The following CSMD3 variants were observed in gnomAD, a reference collection of about 807,000 sequenced individuals.
CSMD3 encodes CUB and Sushi multiple domains 3, also known as CUB and sushi domain-containing protein 3.
CSMD3 carries 177 observed loss-of-function variants against 435.2 expected under a neutral mutation model. That is an observed-to-expected ratio of 0.41 (90% CI 0.36 to 0.46). The LOEUF is 0.46. CSMD3 is among the 20% of genes least tolerant of loss of function. The pLI is 0.34. For missense variants in CSMD3, 4,265 were observed against 4,504.6 expected (o/e 0.95, Z 1.52); for synonymous variants, 1,656 against 1,520.5 (o/e 1.09, Z -2.07).
intron 16 of CSMD3, among the ~76,000 whole-genome samples, chr8:112,672,675 C>A (rs73342512): frequency 6.6e-6 from 1 of 152,008 alleles, no homozygotes; most frequent in African/African-American, 2.4e-5. Context: ...GCCTTTAATT[C>A]TTCTTTTTGT....
chr8:113,404,642 C>T (rs1016172675), intron 1 of CSMD3, among the ~76,000 whole-genome samples: 5 of 151,270 alleles, frequency 3.3e-5, no homozygotes, highest in East Asian at 1.9e-4. Context: ...ATTCAGCAAA[C>T]ATTTTTTTCT....
intron 45 of CSMD3, among the ~76,000 whole-genome samples, chr8:112,329,760 A>G (rs1248255917): frequency 1.3e-5 from 2 of 152,182 alleles, no homozygotes; most frequent in East Asian, 3.8e-4. Flanking sequence ...CATACAGTGA[A>G]GTGTCAAAAG....
chr8:112,343,017 T>TA (rs1563815796), intron 41 of CSMD3, among the ~76,000 whole-genome samples: 4 of 52,548 alleles, frequency 7.6e-5, no homozygotes, highest in Admixed American at 1.8e-4. Flanking sequence ...ATATATATAT[T>TA]TATATATATA....
rs545525500 is a variant in CSMD3, at chr8:113,255,159, T to C, written c.514+23433A>G. Reference sequence around the variant, plus strand: ...TTTTAGTGCTCCAAATAATAAACAATAATATTACCTTAGACTATCTAAATA... The same window carrying C: ...TTTTAGTGCTCCAAATAATAAACAACAATATTACCTTAGACTATCTAAATA... On this transcript the variant is annotated intron_variant, in intron 3 of 70. Transcript: ENST00000297405. Among the ~76,000 whole-genome samples the C allele has an allele frequency of 3.9e-5, 6 of 152,242 alleles. No homozygotes were observed. In the South Asian group the frequency reaches 1.0e-3, roughly 26 times the overall value.
chr8:112,477,018 T>A (rs1417485184), intron 31 of CSMD3, among the ~76,000 whole-genome samples: 1 of 152,192 alleles, frequency 6.6e-6, no homozygotes, highest in Admixed American at 6.5e-5. Context: ...AGGCTCTCCA[T>A]AAATATCTGT....
intron 5 of CSMD3, among the ~76,000 whole-genome samples, chr8:113,086,812 A>C (rs2089800258): frequency 6.6e-6 from 1 of 152,112 alleles, no homozygotes; most frequent in South Asian, 2.1e-4. Flanking sequence ...TTTTCCTTGA[A>C]AATTGAGTTT....
At chr8:112,480,851 A>T (rs988537396) in intron 31 of CSMD3, among the ~76,000 whole-genome samples, 1 of 152,198 alleles carries the variant, frequency 6.6e-6, no homozygotes, top group African/African-American at 2.4e-5. Flanking sequence ...CTAATATCTT[A>T]TCAGTCTAAG....
At chr8:112,850,169 C>G (rs2080444179) in intron 11 of CSMD3, among the ~76,000 whole-genome samples, 1 of 152,008 alleles carries the variant, frequency 6.6e-6, no homozygotes, top group East Asian at 1.9e-4. Flanking sequence ...TCTGATAAAT[C>G]AACACCAATA....
At chr8:112,640,950 T>G (rs532929031) in intron 20 of CSMD3, among the ~76,000 whole-genome samples, 1 of 152,188 alleles carries the variant, frequency 6.6e-6, no homozygotes, top group Non-Finnish European at 1.5e-5. Context: ...CTGAAATACA[T>G]AGAATGAATT....
intron 13 of CSMD3, among the ~76,000 whole-genome samples, chr8:112,740,534 A>G (rs1187455803): frequency 2.0e-5 from 3 of 151,872 alleles, no homozygotes; most frequent in Non-Finnish European, 4.4e-5. Flanking sequence ...AAAAACACTT[A>G]GTAACATTTT....
intron 1 of CSMD3, chr8:113,377,151 G>A (rs2094390787): frequency 8.0e-7 from 1 of 1,246,848 alleles, no homozygotes; most frequent in Non-Finnish European, 1.0e-6. Context: ...GCCGAGGGGT[G>A]TACGCCCCGG....
chr8:113,417,306 T>C (rs933358290), intron 1 of CSMD3, among the ~76,000 whole-genome samples: 5 of 151,992 alleles, frequency 3.3e-5, no homozygotes, highest in African/African-American at 7.2e-5. Context: ...AACAATGATG[T>C]AGAAAAGCTA....
chr8:112,269,264 A>G (rs904059459), intron 59 of CSMD3, among the ~76,000 whole-genome samples: 2 of 152,112 alleles, frequency 1.3e-5, no homozygotes, highest in African/African-American at 4.8e-5. Context: ...CATCTTTGAG[A>G]ATTTTCAGAT....
At chr8:112,665,492 G>T (rs1009126222) in intron 17 of CSMD3, among the ~76,000 whole-genome samples, 2 of 152,094 alleles carry the variant, frequency 1.3e-5, no homozygotes, top group Non-Finnish European at 2.9e-5. Flanking sequence ...ATCATGTTAG[G>T]TTTGTAAAAT....
chr8:113,401,455 G>A (rs540687503), intron 1 of CSMD3, among the ~76,000 whole-genome samples: 6 of 151,578 alleles, frequency 4.0e-5, no homozygotes, highest in South Asian at 2.1e-4. Flanking sequence ...AATTGTACAC[G>A]CTTTTAGGGA....
chr8:112,627,074 T>C (rs1411910295), intron 22 of CSMD3, among the ~76,000 whole-genome samples: 1 of 152,124 alleles, frequency 6.6e-6, no homozygotes. Flanking sequence ...GGCATTAATA[T>C]ATACTAGGGA....
In CSMD3 at chr8:112,847,712, TG is replaced by T. The variant is rs1399468093; in HGVS notation, c.1755+11432del. Among the ~76,000 whole-genome samples the T allele has an allele frequency of 2.0e-5, 3 of 152,166 alleles. No individual in the cohort carries two copies. The East Asian group carries it at 5.8e-4, about 29-fold the overall frequency. The stretch of plus-strand genomic sequence containing the variant: ...CACAAGTACCAAATCTCCAAATATT[TG>T]GCGCAAAGAACTAGTACCTATAAAT... On this transcript the variant is annotated intron_variant, in intron 11 of 70. Transcript: ENST00000297405.
At chr8:112,357,258 C>T (rs1826708940) in intron 38 of CSMD3, among the ~76,000 whole-genome samples, 2 of 151,992 alleles carry the variant, frequency 1.3e-5, no homozygotes, top group African/African-American at 2.4e-5. Flanking sequence ...TTGCCCCTGC[C>T]CTAGAGATTT....
intron 10 of CSMD3, among the ~76,000 whole-genome samples, chr8:112,897,213 G>A (rs4876500): frequency 0.51 from 76,401 of 151,070 alleles, 19,915 homozygotes; most frequent in East Asian, 0.83. Context: ...ACGTATGCAT[G>A]CATGTGTGTG....
Sources: allele counts gnomAD v4.1 joint callset (sites outside exome capture counted in the v4.1 genomes callset), GRCh38; gene constraint gnomAD v4.1.1; transcripts MANE v1.5; gene names NCBI Gene and HGNC (gene_info 2026-07-23, HGNC 2026-07-21).